PTPRJ: variants seen among roughly 807,000 people sequenced by gnomAD.
The protein encoded by PTPRJ is receptor-type tyrosine-protein phosphatase eta.
PTPRJ carries 129 observed loss-of-function variants against 141.3 expected under a neutral mutation model. The observed-to-expected ratio is 0.91, with a 90% confidence interval of 0.79 to 1.06. The LOEUF (loss-of-function observed/expected upper bound fraction) is 1.06, where lower values mean the gene tolerates loss of function less well. Ranked by LOEUF, PTPRJ falls within the 50% of genes least tolerant of loss-of-function variation. The pLI is 0.00. For synonymous variants in PTPRJ, 610 were observed against 640.5 expected (o/e 0.95, Z 0.72); for missense variants, 1,601 against 1,679.7 (o/e 0.95, Z 0.82).
At chr11:47,999,341 T>C (rs1233317742) in intron 1 of PTPRJ, among the ~76,000 whole-genome samples, 1 of 152,210 alleles carries the variant, frequency 6.6e-6, no homozygotes, top group Admixed American at 6.5e-5. Context: ...AAAAATCTCT[T>C]TTGGAAGGAA....
At chr11:48,106,861 C>T (rs1341534982) in intron 1 of PTPRJ, among the ~76,000 whole-genome samples, 1 of 150,804 alleles carries the variant, frequency 6.6e-6, no homozygotes, top group Non-Finnish European at 1.5e-5. Context: ...CTCCGTCTCC[C>T]CAGTTCAAGC....
At position 48,110,071 on chromosome 11, in the gene PTPRJ, G is replaced by T. The variant is rs761034367; in HGVS notation, c.110G>T (p.Gly37Val). 1 of 1,613,894 alleles carries T rather than the reference G, an allele frequency of 6.2e-7. No homozygotes were observed. Among genetic ancestry groups the T allele is most frequent in the Non-Finnish European group, 8.5e-7 (1 of 1,179,786 alleles). ...TTTCTGTTTCAGATCCTGTGCGCAG[G>T]TGGCAGTGAGTACCCTTTTCCTCTC... is the stretch of plus-strand genomic sequence containing the variant. The part of the protein sequence containing the change: ...LLRLGQILCA[G>V]GTPSPIPDPS... The change falls in exon 2 of 25, where the codon GGT (glycine) becomes GTT (valine). Residue 37 changes from glycine to valine, a missense_variant. Coordinates refer to ENST00000418331, the MANE Select transcript of PTPRJ (RefSeq NM_002843.4).
chr11:47,981,962 C>T (rs1014689869), intron 1 of PTPRJ, among the ~76,000 whole-genome samples: 15 of 152,242 alleles, frequency 9.9e-5, no homozygotes, highest in African/African-American at 3.1e-4. Context: ...CTGTGCGTTT[C>T]TGCAAATGAC....
intron 1 of PTPRJ, among the ~76,000 whole-genome samples, chr11:48,019,559 T>A (rs189028095): frequency 2.3e-4 from 35 of 152,326 alleles, no homozygotes; most frequent in African/African-American, 8.4e-4. Flanking sequence ...TTTGCCAGGG[T>A]ACTGTGTTAA....
chr11:48,164,886 G>A (rs1309880781), intron 24 of PTPRJ, among the ~76,000 whole-genome samples: 1 of 152,044 alleles, frequency 6.6e-6, no homozygotes, highest in Non-Finnish European at 1.5e-5. Context: ...ATTTTTAAAA[G>A]GTTGCATTGT....
At chr11:48,078,795 G>GTTTTTTTTT (rs55980751) in intron 1 of PTPRJ, among the ~76,000 whole-genome samples, 1 of 96,274 alleles carries the variant, frequency 1.0e-5, no homozygotes, top group African/African-American at 4.1e-5. Flanking sequence ...TCTGTAAATA[G>GTTTTTTTTT]TTTTTTTTTT....
intron 1 of PTPRJ, among the ~76,000 whole-genome samples, chr11:48,031,535 A>G (rs1436724751): frequency 1.3e-5 from 2 of 152,120 alleles, no homozygotes; most frequent in Non-Finnish European, 1.5e-5. Context: ...TCCATGTAAG[A>G]TTGGGGTCAT....
At chr11:48,086,434 A>C (rs1402243004) in intron 1 of PTPRJ, among the ~76,000 whole-genome samples, 1 of 152,226 alleles carries the variant, frequency 6.6e-6, no homozygotes, top group Non-Finnish European at 1.5e-5. Context: ...GGCCTCCCAA[A>C]GTGTTGGGAT....
chr11:48,167,527 T>C lies in PTPRJ; in HGVS notation c.*165T>C, dbSNP rs778581404. 1.4e-5 allele frequency: 11 copies of C among 774,790 alleles called. No homozygotes were observed. The highest frequency in any genetic ancestry group is 6.0e-5 in the East Asian group (2 of 33,402). 48.0% of individuals were successfully genotyped at this position (774,790 alleles called of 1,614,324 possible). ...GAAGCTGCATATGATAGATGACAAA[T>C]TGGGGCTGTCGGGGGCTGTGGATGG... On this transcript the variant is annotated 3_prime_UTR_variant, in exon 25 of 25. Coordinates refer to ENST00000418331, the MANE Select transcript of PTPRJ (RefSeq NM_002843.4).
intron 1 of PTPRJ, among the ~76,000 whole-genome samples, chr11:48,013,614 C>G (rs1490339212): frequency 6.6e-6 from 1 of 152,110 alleles, no homozygotes; most frequent in Admixed American, 6.5e-5. Context: ...CTTGCTGGCT[C>G]TCTGGGAGTT....
intron 1 of PTPRJ, among the ~76,000 whole-genome samples, chr11:48,020,779 C>T (rs1289093136): frequency 6.6e-6 from 1 of 152,174 alleles, no homozygotes; most frequent in Non-Finnish European, 1.5e-5. Flanking sequence ...CCTCCTGCCC[C>T]TCCCACGTTT....
rs536066549 is a variant in PTPRJ at position 48,169,740 on chromosome 11, T to G, written c.*2378T>G. The G allele has an allele frequency of 2.0e-5, 3 of 152,326 alleles. No homozygotes were observed. The East Asian group carries it at 5.8e-4, about 29-fold the overall frequency. 9.4% of individuals were successfully genotyped at this position (152,326 alleles called of 1,614,324 possible). On this transcript the variant is annotated 3_prime_UTR_variant, in exon 25 of 25. Transcript: ENST00000418331. The stretch of plus-strand genomic sequence containing the variant: ...CTTTAAAAGATTAAAGCAACATAAC[T>G]GTAAACATATTGTATAAAAATGAAA...
At chr11:48,004,237 T>C (rs1854568775) in intron 1 of PTPRJ, among the ~76,000 whole-genome samples, 1 of 152,230 alleles carries the variant, frequency 6.6e-6, no homozygotes, top group Admixed American at 6.5e-5. Context: ...GGGAAGAGAA[T>C]GTTGAGTTCA....
intron 14 of PTPRJ, among the ~76,000 whole-genome samples, 173 bp downstream of exon 14, chr11:48,145,297 C>T (rs1462814123): frequency 6.6e-6 from 1 of 152,146 alleles, no homozygotes; most frequent in Admixed American, 6.5e-5. Flanking sequence ...TGGGCTTCCT[C>T]CTCCGAGGTC....
chr11:48,039,264 T>C, intron 1 of PTPRJ, among the ~76,000 whole-genome samples: 1 of 152,106 alleles, frequency 6.6e-6, no homozygotes, highest in Non-Finnish European at 1.5e-5. Flanking sequence ...CACTATTTCT[T>C]TAATCCTTAT....
intron 1 of PTPRJ, among the ~76,000 whole-genome samples, chr11:48,028,256 A>G (rs888473669): frequency 6.6e-6 from 1 of 152,132 alleles, no homozygotes; most frequent in African/African-American, 2.4e-5. Context: ...GCAGAGCACT[A>G]CCTGTCCCCC....
intron 1 of PTPRJ, among the ~76,000 whole-genome samples, chr11:48,038,857 A>G (rs1035227042): frequency 2.6e-5 from 4 of 151,746 alleles, no homozygotes; most frequent in Non-Finnish European, 4.4e-5. Context: ...AAAAAAAAAA[A>G]AAAAAGACTG....
At position 48,156,063 on chromosome 11, in the gene PTPRJ, T is replaced by C. The variant is rs1220327400; in HGVS notation, c.3382T>C (p.Trp1128Arg). 1.2e-6 allele frequency: 2 copies of C among 1,601,678 alleles called. No homozygotes were observed. The highest frequency in any genetic ancestry group is 1.7e-5 in the Admixed American group (1 of 60,008). Residue 1128 changes from tryptophan (W) to arginine (R), a missense_variant, in exon 21 of 25, where the codon TGG becomes CGG. Coordinates refer to ENST00000418331, the MANE Select transcript of PTPRJ (RefSeq NM_002843.4). ...TTTGAAAGATTTTTGGCGTATGGTT[T>C]GGGAGAAAAATGTATATGCCATCAT... ...NTLKDFWRMV[W>R]EKNVYAIIML...
intron 4 of PTPRJ, among the ~76,000 whole-genome samples, chr11:48,121,704 A>T (rs1436025592): frequency 6.6e-6 from 1 of 152,144 alleles, no homozygotes; most frequent in Non-Finnish European, 1.5e-5. Context: ...TAAGAGTTTG[A>T]TGATATTTAA....
Sources: gnomAD v4.1 joint callset for allele counts (sites outside exome capture counted in the v4.1 genomes callset) on GRCh38, gnomAD v4.1.1 for gene constraint, MANE v1.5 for transcripts, NCBI Gene and HGNC (gene_info 2026-07-23, HGNC 2026-07-21) for gene names.